Variants in GAN observed in about 807,000 individuals in gnomAD.
GAN encodes gigaxonin, also known as epididymis secretory sperm binding protein.
A neutral mutation model predicts 71.3 loss-of-function variants in GAN; 48 were observed. That is an observed-to-expected ratio of 0.67 (90% CI 0.53 to 0.86). The LOEUF (loss-of-function observed/expected upper bound fraction) is 0.86. Among genes scored for constraint, GAN ranks in the 40% least tolerant of loss-of-function variants. The probability of loss-of-function intolerance (pLI) is 0.00; values close to 1 mark genes in which losing one functional copy is unlikely to be tolerated. For synonymous variants in GAN, 386 were observed against 276.8 expected (o/e 1.39, Z -3.92); for missense variants, 928 against 770.1 (o/e 1.21, Z -2.43).
rs1298202146 is a variant in GAN at position 81,384,385 on chromosome 16, C to G, written c.*6789C>G. On this transcript the variant is annotated 3_prime_UTR_variant, in exon 11 of 11. Coordinates refer to ENST00000648994, the MANE Select transcript of GAN (RefSeq NM_022041.4). Reference sequence around the variant, plus strand: ...TCCTAGAGTTGCTGCAAACTGATTACTTGAAACTCAACTTGAACTTTAAAG... The same window carrying G: ...TCCTAGAGTTGCTGCAAACTGATTAGTTGAAACTCAACTTGAACTTTAAAG... The G allele has an allele frequency of 1.3e-5, 2 of 151,466 alleles. No homozygotes were observed. Among genetic ancestry groups the G allele is most frequent in the Non-Finnish European group, 1.5e-5 (1 of 67,938 alleles). The allele number at this position is 151,466 out of a possible 1,614,324, so 9.4% of individuals were successfully genotyped here. A position where few individuals can be genotyped will look rare whatever the true frequency, so the allele number is the denominator to read the frequency against.
chr16:81,365,151 T>G lies in GAN; in HGVS notation c.1373+41T>G, dbSNP rs763055940. The G allele has an allele frequency of 2.0e-5, 32 of 1,606,254 alleles. No homozygotes were observed. The Admixed American group carries it at 5.0e-4, about 25-fold the overall frequency. ...GTGGACTTTGTAGATTCCCTTGCTG[T>G]TCACTGGGTCTGGAGCCCCTTACCC... On this transcript the variant is annotated intron_variant, in intron 8 of 10. Transcript: ENST00000648994.
In GAN at chr16:81,319,224, A is replaced by ATATATC. The variant is rs998809260; in HGVS notation, c.167+3945_167+3946insATATCT. 2.0e-5 allele frequency among the ~76,000 whole-genome samples: 3 copies of ATATATC among 148,520 alleles called. 1 individual carries two copies. Among genetic ancestry groups the ATATATC allele is most frequent in the African/African-American group, 7.4e-5 (3 of 40,578 alleles). On this transcript the variant is annotated intron_variant, in intron 1 of 10. Transcript: ENST00000648994. The stretch of plus-strand genomic sequence containing the variant: ...ATATAGATTATATATATATATATAT[A>ATATATC]TCTAACAACCTTTCTAAGAATGGCA...
chr16:81,367,434 C>A (rs889099888), intron 9 of GAN, among the ~76,000 whole-genome samples: 2 of 152,020 alleles, frequency 1.3e-5, no homozygotes, highest in Non-Finnish European at 2.9e-5. Flanking sequence ...AAGGCTGAGG[C>A]ATGAGAATTG....
chr16:81,321,689 G>A (rs1597388021), intron 1 of GAN, among the ~76,000 whole-genome samples: 1 of 152,330 alleles, frequency 6.6e-6, no homozygotes, highest in South Asian at 2.1e-4. Context: ...TGAGTGCCAT[G>A]CAATAAGTTC....
At chr16:81,321,644 A>G (rs1356520675) in intron 1 of GAN, among the ~76,000 whole-genome samples, 1 of 152,196 alleles carries the variant, frequency 6.6e-6, no homozygotes, top group African/African-American at 2.4e-5. Context: ...TGTAAGGAAA[A>G]CATAATTAGG....
In GAN at chr16:81,365,367, G is replaced by T. The variant is rs777535272; in HGVS notation, c.1391G>T (p.Cys464Phe). The T allele has an allele frequency of 1.9e-6, 3 of 1,613,754 alleles. No individual in the cohort carries two copies. Among genetic ancestry groups the T allele is most frequent in the Non-Finnish European group, 2.5e-6 (3 of 1,179,980 alleles). Residue 464 changes from cysteine (C) to phenylalanine (F), a missense_variant, in exon 9 of 11, where the codon TGT (cysteine) becomes TTT (phenylalanine). Physicochemically the swap from Cys to Phe is radical, Grantham distance 205 (BLOSUM62 -2). Transcript: ENST00000648994. ...LKERRFGAVA[C>F]GVAMELYVFG... ...CCTTTCAGGTTTGGAGCGGTGGCCTGTGGAGTTGCTATGGAGCTGTATGTG... is the reference window on the plus strand; with the variant it reads ...CCTTTCAGGTTTGGAGCGGTGGCCTTTGGAGTTGCTATGGAGCTGTATGTG...
At chr16:81,353,660 A>T (rs1035396930) in intron 2 of GAN, among the ~76,000 whole-genome samples, 2 of 152,216 alleles carry the variant, frequency 1.3e-5, no homozygotes, top group Non-Finnish European at 2.9e-5. Context: ...GGGGTCGTCC[A>T]CTTAGGACTG....
At chr16:81,323,996 G>GT (rs960330225) in intron 1 of GAN, among the ~76,000 whole-genome samples, 12 of 152,248 alleles carry the variant, frequency 7.9e-5, no homozygotes, top group East Asian at 7.7e-4. Context: ...ATTTCACTTA[G>GT]TTTTTTTATA....
Position 81,362,622 on chromosome 16 carries a change from AGTTG to A in GAN, c.1086+19_1086+22del, listed in dbSNP as rs1215210527. 3 of 1,299,722 alleles carry A rather than the reference AGTTG, an allele frequency of 2.3e-6. No individual in the cohort carries two copies. Among genetic ancestry groups the A allele is most frequent in the East Asian group, 2.3e-5 (1 of 43,520 alleles). 80.5% of individuals were successfully genotyped at this position (1,299,722 alleles called of 1,614,324 possible). The stretch of plus-strand genomic sequence containing the variant: ...CCACCTATGAACGAGGTAAAACACT[AGTTG>A]GTTGGTTTGTTTGATGTGTTTCTCT... On this transcript the variant is annotated intron_variant, in intron 6 of 10. Transcript: ENST00000648994.
chr16:81,362,562 A>G lies in GAN; in HGVS notation c.1037A>G (p.Lys346Arg), dbSNP rs2150690226. 1 of 1,609,542 alleles carries G rather than the reference A, an allele frequency of 6.2e-7. No homozygotes were observed. Among genetic ancestry groups the G allele is most frequent in the Non-Finnish European group, 8.5e-7 (1 of 1,175,750 alleles). The change falls in exon 6 of 11, where the codon AAG becomes AGG. Residue 346 changes from lysine to arginine, a missense_variant. Coordinates refer to ENST00000648994, the MANE Select transcript of GAN (RefSeq NM_022041.4). ...ENKQTLSSGE[K>R]YDPDANTWTA... is the part of the protein sequence containing the mutation. ...AAGCAGACTCTTAGCTCAGGAGAAA[A>G]GTATGATCCAGATGCAAATACATGG...
chr16:81,344,372 T>G (rs1910046449), intron 1 of GAN, among the ~76,000 whole-genome samples: 1 of 152,146 alleles, frequency 6.6e-6, no homozygotes, highest in Non-Finnish European at 1.5e-5. Flanking sequence ...CAAACTTTAC[T>G]ACAAGGCTGC....
Position 81,389,460 on chromosome 16 carries a change from A to C in GAN, c.*11864A>C, listed in dbSNP as rs929950892. 2 of 152,246 alleles carry C rather than the reference A, an allele frequency of 1.3e-5. No homozygotes were observed. The highest frequency in any genetic ancestry group is 2.9e-5 in the Non-Finnish European group (2 of 68,066). 9.4% of individuals were successfully genotyped at this position (152,246 alleles called of 1,614,324 possible). A position where few individuals can be genotyped will look rare whatever the true frequency, so the allele number is the denominator to read the frequency against. ...TACCAGCAGCCTGGAAGTGACCAGC[A>C]GAGCTGACAAAAGCACCCCCTGCTC... On this transcript the variant is annotated 3_prime_UTR_variant, in exon 11 of 11. Coordinates refer to ENST00000648994, the MANE Select transcript of GAN (RefSeq NM_022041.4).
intron 9 of GAN, among the ~76,000 whole-genome samples, chr16:81,367,932 G>A (rs912390867): frequency 6.6e-6 from 1 of 152,160 alleles, no homozygotes; most frequent in Non-Finnish European, 1.5e-5. Context: ...TAACATGTAG[G>A]AGTAGTTTAT....
intron 5 of GAN, among the ~76,000 whole-genome samples, chr16:81,359,134 T>C (rs1024457512): frequency 5.3e-5 from 8 of 152,026 alleles, no homozygotes; most frequent in Non-Finnish European, 1.0e-4. Context: ...CTGGACAGAG[T>C]AGTATAGCCT....
At chr16:81,372,296 C>G (rs887975934) in intron 9 of GAN, among the ~76,000 whole-genome samples, 2 of 152,154 alleles carry the variant, frequency 1.3e-5, no homozygotes, top group African/African-American at 4.8e-5. Context: ...TTTAATGATA[C>G]CTTGTAAGTA....
chr16:81,354,788 CT>C, intron 3 of GAN, 33 bp downstream of exon 3: 2 of 1,162,462 alleles, frequency 1.7e-6, no homozygotes. Flanking sequence ...TCAAATTTGC[CT>C]TTTTATTTCT....
chr16:81,354,883 A>G, intron 3 of GAN, 128 bp downstream of exon 3: 1 of 656,508 alleles, frequency 1.5e-6, no homozygotes, highest in Non-Finnish European at 2.7e-6. Flanking sequence ...TACCTGTAAA[A>G]CATGTTCCCC....
rs200964845 is a variant in GAN at position 81,377,628 on chromosome 16, C to A, written c.*32C>A. On this transcript the variant is annotated 3_prime_UTR_variant, in exon 11 of 11. Coordinates refer to ENST00000648994, the MANE Select transcript of GAN (RefSeq NM_022041.4). ...AGCAGAGCAGAGTGCGAGATCCTGACCCAAGAGCACCATAACATAGCTCCG... is the reference window on the plus strand; with the variant it reads ...AGCAGAGCAGAGTGCGAGATCCTGAACCAAGAGCACCATAACATAGCTCCG... The A allele has an allele frequency of 6.9e-4, 1,087 of 1,578,436 alleles. 2 individuals are homozygous for A. Among genetic ancestry groups the A allele is most frequent in the Non-Finnish European group, 9.0e-4 (1,036 of 1,147,842 alleles).
intron 9 of GAN, among the ~76,000 whole-genome samples, chr16:81,376,058 G>A (rs774235827): frequency 1.5e-4 from 23 of 151,636 alleles, no homozygotes; most frequent in Admixed American, 2.6e-4. Context: ...GGAAGTATAC[G>A]CCATTAAAGT....
Sources: gnomAD v4.1 joint callset for allele counts (sites outside exome capture counted in the v4.1 genomes callset) on GRCh38, gnomAD v4.1.1 for gene constraint, MANE v1.5 for transcripts, NCBI Gene and HGNC (gene_info 2026-07-23, HGNC 2026-07-21) for gene names.